Variants in SMCHD1 observed in about 807,000 individuals in gnomAD.
SMCHD1 encodes structural maintenance of chromosomes flexible hinge domain containing 1.
Under a neutral mutation model 254.7 loss-of-function variants are expected in SMCHD1, and 78 were observed. That is an observed-to-expected ratio of 0.31 (90% CI 0.26 to 0.37). The LOEUF (loss-of-function observed/expected upper bound fraction) is 0.37. Among genes scored for constraint, SMCHD1 ranks in the 10% least tolerant of loss-of-function variants. SMCHD1 has a pLI of 1.00. For missense variants in SMCHD1, 1,840 were observed against 2,408.1 expected (o/e 0.76, Z 4.94); for synonymous variants, 766 against 794.9 (o/e 0.96, Z 0.61).
At chr18:2,690,161 G>C (rs2074143493) in intron 7 of SMCHD1, among the ~76,000 whole-genome samples, 1 of 152,046 alleles carries the variant, frequency 6.6e-6, no homozygotes, top group South Asian at 2.1e-4. Context: ...GAAACATTTT[G>C]GTGAATTTCC....
Position 2,751,309 on chromosome 18 carries a change from C to G in SMCHD1, c.4197C>G (p.Asp1399Glu), listed in dbSNP as rs199827206. 8.3e-6 allele frequency: 13 copies of G among 1,575,140 alleles called. No homozygotes were observed. In the African/African-American group the frequency reaches 1.1e-4, roughly 13 times the overall value. ...DFMISVISED[D>E]SIIKNINPAR... ...TGATTAGTGTTATTTCTGAAGATGA[C>G]AGTATCATTAAAAACATTAATCCAG... The change falls in exon 33 of 48, where the codon GAC becomes GAG. Residue 1399 changes from aspartate (D) to glutamate (E), a missense_variant. Around this residue, in one of 9 missense-constraint regions of SMCHD1, gnomAD observed 881 missense variants for 1,009.5 expected, o/e 0.87. Coordinates refer to ENST00000320876, the MANE Select transcript of SMCHD1 (RefSeq NM_015295.3).
rs397825044 is a variant in SMCHD1 at position 2,682,314 on chromosome 18, C to CTT, written c.639-6066_639-6065dup. Among the ~76,000 whole-genome samples the CTT allele has an allele frequency of 5.2e-3, 752 of 145,516 alleles. 6 individuals are homozygous for CTT. The highest frequency in any genetic ancestry group is 0.019 in the African/African-American group (722 of 38,104). On this transcript the variant is annotated intron_variant, in intron 5 of 47. Coordinates refer to ENST00000320876, the MANE Select transcript of SMCHD1 (RefSeq NM_015295.3). ...ATAACTTTTTCTTTTCTTTCTTCTT[C>CTT]TTTTTTTTTTTTTTTCCTTTTTCTT...
In SMCHD1 at chr18:2,686,895, A is replaced by G. The variant is rs150248952; in HGVS notation, c.639-1499A>G. ...TATACCAATTAAAATGTTTTTGTTT[A>G]TCCCATTCTTTCTGTTTCTGTTTCT... is the stretch of plus-strand genomic sequence containing the variant. On this transcript the variant is annotated intron_variant, in intron 5 of 47. Transcript: ENST00000320876. Among the ~76,000 whole-genome samples, 629 of 151,946 alleles carry G rather than the reference A, an allele frequency of 4.1e-3. 4 individuals are homozygous for G. Among genetic ancestry groups the G allele is most frequent in the African/African-American group, 0.015 (608 of 41,442 alleles).
At chr18:2,725,113 T>C in intron 21 of SMCHD1, 118 bp downstream of exon 21, 1 of 562,782 alleles carries the variant, frequency 1.8e-6, no homozygotes, top group Non-Finnish European at 2.9e-6. Context: ...TGACAGTAAT[T>C]GGGTTCTTAG....
In SMCHD1 at chr18:2,760,723, T is replaced by C; in HGVS notation, c.4418T>C (p.Ile1473Thr). 2 of 1,600,690 alleles carry C rather than the reference T, an allele frequency of 1.2e-6. No homozygotes were observed. Among genetic ancestry groups the C allele is most frequent in the Non-Finnish European group, 1.7e-6 (2 of 1,168,526 alleles). The stretch of plus-strand genomic sequence containing the variant: ...GGTTTTATGATGGATAAAACAAATA[T>C]TCTCAACAGTGAACAGGTTTGCTTA... The part of the protein sequence containing the change: ...QFGFMMDKTN[I>T]LNSEQVIVEV... Residue 1473 changes from isoleucine to threonine, a missense_variant, in exon 35 of 48, where the codon ATT becomes ACT. Ile to Thr is a moderately conservative substitution (Grantham distance 89). Coordinates refer to ENST00000320876, the MANE Select transcript of SMCHD1 (RefSeq NM_015295.3).
intron 41 of SMCHD1, 67 bp downstream of exon 41, chr18:2,772,439 T>C: frequency 7.5e-7 from 1 of 1,336,176 alleles, no homozygotes. Flanking sequence ...AAACGGGTCT[T>C]CTAAAAGTGA....
intron 5 of SMCHD1, among the ~76,000 whole-genome samples, chr18:2,685,324 C>T (rs1015188596): frequency 6.6e-6 from 1 of 151,976 alleles, no homozygotes; most frequent in Non-Finnish European, 1.5e-5. Context: ...TGGTCTTGAT[C>T]TCCTGACCTC....
intron 29 of SMCHD1, among the ~76,000 whole-genome samples, chr18:2,745,802 A>G (rs934602551): frequency 4.6e-5 from 7 of 152,206 alleles, no homozygotes; most frequent in Non-Finnish European, 8.8e-5. Context: ...CAGAAATTTA[A>G]AATAAAACAT....
At chr18:2,767,206 C>T (rs1249396459) in intron 37 of SMCHD1, among the ~76,000 whole-genome samples, 1 of 150,466 alleles carries the variant, frequency 6.6e-6, no homozygotes, top group Admixed American at 6.6e-5. Context: ...TGCAGTGAGC[C>T]ATGATTATGC....
chr18:2,739,735 G>A lies in SMCHD1; in HGVS notation c.3514+215G>A, dbSNP rs11872184. On this transcript the variant is annotated intron_variant, in intron 27 of 47. Transcript: ENST00000320876. The stretch of plus-strand genomic sequence containing the variant: ...ATCAGTTTGACAAACACATTTTGTC[G>A]AAAAAAAATCTTGTCTTTTGTTAGA... Among the ~76,000 whole-genome samples, 8,876 of 151,532 alleles carry A rather than the reference G, an allele frequency of 0.059. 588 individuals are homozygous for A. The highest frequency in any genetic ancestry group is 0.17 in the African/African-American group (7,018 of 41,360).
chr18:2,673,225 T>G (rs2073658898), intron 3 of SMCHD1, 56 bp from the exon 4 acceptor site: 3 of 1,494,806 alleles, frequency 2.0e-6, no homozygotes, highest in Non-Finnish European at 2.7e-6. Context: ...CTTTGAACTT[T>G]TATATAAAGT....
Position 2,707,833 on chromosome 18 carries a change from A to T in SMCHD1, c.2173A>T (p.Lys725Ter). The change falls in exon 17 of 48, where the codon AAA (lysine) becomes TAA (stop). Residue 725 changes from lysine (K) to a stop codon, truncating the protein, a stop_gained. Coordinates refer to ENST00000320876, the MANE Select transcript of SMCHD1 (RefSeq NM_015295.3). LOFTEE classifies it high-confidence loss of function. ...TGCGTTAAGAATTGAAATACTGAAT[A>T]AAAAAGGGGAAGCAATGCAAAAGCT... ...IGALRIEILN[K>*]KGEAMQKLPG... 1 of 1,606,736 alleles carries T rather than the reference A, an allele frequency of 6.2e-7. No individual in the cohort carries two copies. Among genetic ancestry groups the T allele is most frequent in the Non-Finnish European group, 8.5e-7 (1 of 1,176,728 alleles).
At chr18:2,721,223 C>A (rs369761608) in intron 19 of SMCHD1, among the ~76,000 whole-genome samples, 1 of 152,096 alleles carries the variant, frequency 6.6e-6, no homozygotes, top group East Asian at 1.9e-4. Context: ...TCTGCTAAGT[C>A]AGTTACACTT....
intron 41 of SMCHD1, among the ~76,000 whole-genome samples, chr18:2,775,270 A>G (rs1389540956): frequency 1.3e-5 from 2 of 151,716 alleles, no homozygotes; most frequent in Non-Finnish European, 2.9e-5. Flanking sequence ...ATACTATAAT[A>G]TTGGAGTAAA....
In SMCHD1 at chr18:2,722,552, TG is replaced by T. The variant is rs1212925552; in HGVS notation, c.2494del (p.Asp832IlefsTer26). The T allele has an allele frequency of 6.2e-7, 1 of 1,613,422 alleles. No homozygotes were observed. Among genetic ancestry groups the T allele is most frequent in the Admixed American group, 1.7e-5 (1 of 59,978 alleles). On this transcript the variant is annotated frameshift_variant, in exon 20 of 48. Coordinates refer to ENST00000320876, the MANE Select transcript of SMCHD1 (RefSeq NM_015295.3). LOFTEE classifies it high-confidence loss of function. ...CCAGAGAAATTTTCATTTGGTCTTC[TG>T]GATCTTCCTTTTCGTGTTGGAGTTC... ...GKPEKFSFGL[L>X]DLPFRVGVPF... is the part of the protein sequence containing the mutation.
intron 44 of SMCHD1, chr18:2,778,846 A>G (rs746295727): frequency 1.3e-5 from 2 of 152,272 alleles, no homozygotes; most frequent in Non-Finnish European, 2.9e-5. Flanking sequence ...CAGTGACCTC[A>G]TATTAACTTG....
At chr18:2,659,149 G>A (rs1340281963) in intron 1 of SMCHD1, among the ~76,000 whole-genome samples, 8 of 152,058 alleles carry the variant, frequency 5.3e-5, no homozygotes, top group African/African-American at 1.7e-4. Flanking sequence ...ACGGAGTCTC[G>A]CTCTGTTGCC....
chr18:2,785,339 A>G (rs928447114), intron 45 of SMCHD1, among the ~76,000 whole-genome samples: 3 of 152,184 alleles, frequency 2.0e-5, no homozygotes, highest in Admixed American at 2.0e-4. Context: ...AAAATTTACC[A>G]TCTTAACCAT....
intron 45 of SMCHD1, among the ~76,000 whole-genome samples, chr18:2,789,019 G>C (rs1052762034): frequency 1.0e-5 from 1 of 97,000 alleles, no homozygotes; most frequent in Non-Finnish European, 2.5e-5. Flanking sequence ...TTCTTTTTTT[G>C]TTTGTTTGTT....
Sources: gnomAD v4.1 joint callset for allele counts (sites outside exome capture counted in the v4.1 genomes callset) on GRCh38, gnomAD v4.1.1 for gene constraint, gnomAD v4.1.1 regional missense constraint, MANE v1.5 for transcripts, NCBI Gene and HGNC (gene_info 2026-07-23, HGNC 2026-07-21) for gene names.